Variants in TLR2 observed in about 807,000 individuals in gnomAD.
TLR2 encodes the protein toll like receptor 2, also known as toll-like receptor 2.
A neutral mutation model predicts 9.1 loss-of-function variants in TLR2; 7 were observed. That is an observed-to-expected ratio of 0.77 (90% CI 0.44 to 1.44). The LOEUF (loss-of-function observed/expected upper bound fraction) is 1.44. TLR2 is among the 40% of genes most tolerant of loss of function. The pLI, the probability that TLR2 is intolerant of heterozygous loss-of-function variation, is 0.01. For missense variants in TLR2, 812 were observed against 904.6 expected (o/e 0.90, Z 1.31); for synonymous variants, 317 against 344.6 (o/e 0.92, Z 0.89).
chr4:153,697,223 C>G (rs1269674087), intron 2 of TLR2, among the ~76,000 whole-genome samples: 1 of 151,940 alleles, frequency 6.6e-6, no homozygotes. Flanking sequence ...CAAAAACATA[C>G]TGACACAGAA....
intron 2 of TLR2, among the ~76,000 whole-genome samples, chr4:153,697,981 C>G (rs897852663): frequency 6.6e-6 from 1 of 152,132 alleles, no homozygotes; most frequent in Non-Finnish European, 1.5e-5. Flanking sequence ...TTAACCAAGT[C>G]CATTTTAAGC....
intron 2 of TLR2, among the ~76,000 whole-genome samples, chr4:153,699,707 A>G (rs1011969698): frequency 7.2e-5 from 11 of 152,226 alleles, no homozygotes; most frequent in Admixed American, 6.5e-4. Flanking sequence ...AAAGAAAATG[A>G]AATAAAGGTA....
At chr4:153,698,184 T>C (rs148880283) in intron 2 of TLR2, among the ~76,000 whole-genome samples, 114 of 152,296 alleles carry the variant, frequency 7.5e-4, no homozygotes, top group African/African-American at 2.6e-3. Context: ...ACTACTGGAC[T>C]GGGTAAGAAT....
At chr4:153,708,650 A>G (rs763058986), downstream of TLR2, among the ~76,000 whole-genome samples, 14 of 152,148 alleles carry the variant, frequency 9.2e-5, no homozygotes, top group Non-Finnish European at 1.5e-4. Flanking sequence ...GAAAACTCAG[A>G]CTGTACCTGC....
At position 153,703,757 on chromosome 4, in the gene TLR2, T is replaced by A. The variant is rs1437320748; in HGVS notation, c.850T>A (p.Phe284Ile). The change falls in exon 3 of 3, where the codon TTT becomes ATT. Residue 284 changes from phenylalanine to isoleucine, a missense_variant. By Grantham distance (21) the Phe-to-Ile change is conservative. Coordinates refer to ENST00000642700, the MANE Select transcript of TLR2 (RefSeq NM_001318789.2). ...GATTTCTGGATTGTTAGAATTAGAG[T>A]TTGATGACTGTACCCTTAATGGAGT... Reference protein sequence around the residue: ...NQISGLLELEFDDCTLNGVGN... With the variant: ...NQISGLLELEIDDCTLNGVGN... The A allele has an allele frequency of 6.2e-7, 1 of 1,614,030 alleles. No homozygotes were observed. Among genetic ancestry groups the A allele is most frequent in the Non-Finnish European group, 8.5e-7 (1 of 1,180,006 alleles).
chr4:153,709,718 G>A (rs1474025473), downstream of TLR2, among the ~76,000 whole-genome samples: 4 of 152,222 alleles, frequency 2.6e-5, no homozygotes, highest in Non-Finnish European at 4.4e-5. Flanking sequence ...ATGTGTGCAC[G>A]CGCACGCAGA....
chr4:153,710,137 G>A (rs1032289399), downstream of TLR2: 19 of 400,084 alleles, frequency 4.7e-5, no homozygotes, highest in South Asian at 5.3e-4. Context: ...AATGTGACAT[G>A]TGCATGAGTT....
Position 153,703,206 on chromosome 4 carries a change from G to A in TLR2, c.299G>A (p.Gly100Asp). 1 of 1,614,134 alleles carries A rather than the reference G, an allele frequency of 6.2e-7. No homozygotes were observed. ...GAGGAAGATTCTTTTTCTTCCCTGG[G>A]CAGTCTTGAACATTTAGACTTATCC... ...TIEEDSFSSLGSLEHLDLSYN... is the reference protein window; with the variant it reads ...TIEEDSFSSLDSLEHLDLSYN... The change falls in exon 3 of 3, where the codon GGC (glycine) becomes GAC (aspartate). Residue 100 changes from glycine (G) to aspartate (D), a missense_variant. By Grantham distance (94) the Gly-to-Asp change is moderately conservative. Transcript: ENST00000642700.
At chr4:153,707,816 C>T (rs951506917), downstream of TLR2, among the ~76,000 whole-genome samples, 4 of 151,662 alleles carry the variant, frequency 2.6e-5, no homozygotes, top group Non-Finnish European at 2.9e-5. Flanking sequence ...GTGGCTTATG[C>T]CTGTAATCCC....
At position 153,704,712 on chromosome 4, in the gene TLR2, T is replaced by C; in HGVS notation, c.1805T>C (p.Ile602Thr). 6.2e-7 allele frequency: 1 copy of C among 1,613,942 alleles called. No homozygotes were observed. The highest frequency in any genetic ancestry group is 8.5e-7 in the Non-Finnish European group (1 of 1,179,980). The change falls in exon 3 of 3, where the codon ATC becomes ACC. Residue 602 changes from isoleucine (I) to threonine (T), a missense_variant. Transcript: ENST00000642700. ...ATGTGCTGTGCTCTGTTCCTGCTGA[T>C]CCTGCTCACGGGGGTCCTGTGCCAC... Reference protein sequence around the residue: ...SGMCCALFLLILLTGVLCHRF... With the variant: ...SGMCCALFLLTLLTGVLCHRF...
chr4:153,684,822 GGCCCC>G (rs1247736207), intron 1 of TLR2, among the ~76,000 whole-genome samples: 2 of 150,632 alleles, frequency 1.3e-5, no homozygotes, highest in Admixed American at 1.3e-4. Context: ...GGGGGGCGGT[GGCCCC>G]GGCCCGGCCC....
At position 153,703,181 on chromosome 4, in the gene TLR2, G is replaced by A. The variant is rs759558309; in HGVS notation, c.274G>A (p.Glu92Lys). 1.9e-6 allele frequency: 3 copies of A among 1,614,082 alleles called. No individual in the cohort carries two copies. In the East Asian group the frequency reaches 6.7e-5, roughly 36 times the overall value. Reference sequence around the variant, plus strand: ...GACATCCAATGGAATTAACACAATAGAGGAAGATTCTTTTTCTTCCCTGGG... The same window carrying A: ...GACATCCAATGGAATTAACACAATAAAGGAAGATTCTTTTTCTTCCCTGGG... ...VLTSNGINTI[E>K]EDSFSSLGSL... The change falls in exon 3 of 3, where the codon GAG becomes AAG. Residue 92 changes from glutamate (E) to lysine (K), a missense_variant. Coordinates refer to ENST00000642700, the MANE Select transcript of TLR2 (RefSeq NM_001318789.2).
intron 2 of TLR2, among the ~76,000 whole-genome samples, chr4:153,689,655 G>A (rs2127017431): frequency 1.3e-5 from 2 of 152,334 alleles, no homozygotes; most frequent in South Asian, 4.1e-4. Flanking sequence ...ATGTGTAACT[G>A]TGTCATAGAA....
At chr4:153,689,095 C>T (rs961011062) in intron 2 of TLR2, among the ~76,000 whole-genome samples, 3 of 152,200 alleles carry the variant, frequency 2.0e-5, no homozygotes, top group Admixed American at 2.0e-4. Flanking sequence ...TCAAGCACTC[C>T]AGTTCCTGGC....
At chr4:153,699,996 C>A (rs947712293) in intron 2 of TLR2, among the ~76,000 whole-genome samples, 1 of 152,090 alleles carries the variant, frequency 6.6e-6, no homozygotes, top group Non-Finnish European at 1.5e-5. Flanking sequence ...ACAAGCATGG[C>A]ACTAGCATCT....
intron 2 of TLR2, among the ~76,000 whole-genome samples, chr4:153,701,307 A>G (rs1736871711): frequency 6.6e-6 from 1 of 152,160 alleles, no homozygotes; most frequent in Non-Finnish European, 1.5e-5. Flanking sequence ...TTGAGATGGA[A>G]TGTAGTGCCC....
intron 2 of TLR2, among the ~76,000 whole-genome samples, chr4:153,696,728 T>A (rs1442547445): frequency 6.6e-6 from 1 of 152,170 alleles, no homozygotes; most frequent in Non-Finnish European, 1.5e-5. Context: ...TCACAATTGT[T>A]TGCTTTATAG....
intron 2 of TLR2, among the ~76,000 whole-genome samples, chr4:153,692,788 C>G (rs1736211299): frequency 6.6e-6 from 1 of 152,170 alleles, no homozygotes. Flanking sequence ...GGGCCCTTCA[C>G]AATGCAAAAT....
intron 1 of TLR2, 148 bp from the exon 2 acceptor site, chr4:153,687,754 G>A (rs939273982): frequency 6.6e-5 from 10 of 152,302 alleles, no homozygotes; most frequent in Admixed American, 1.3e-4. Context: ...AGCCAATCAG[G>A]TGATTACTAT....
Sources: gnomAD v4.1 joint callset for allele counts (sites outside exome capture counted in the v4.1 genomes callset) on GRCh38, gnomAD v4.1.1 for gene constraint, MANE v1.5 for transcripts, NCBI Gene and HGNC (gene_info 2026-07-23, HGNC 2026-07-21) for gene names.